Variants in PRDX2 observed in about 807,000 individuals in gnomAD.
PRDX2 encodes the protein peroxiredoxin-2.
A neutral mutation model predicts 19.8 loss-of-function variants in PRDX2; 10 were observed. The observed-to-expected ratio is 0.50, with a 90% CI of 0.31 to 0.86. The LOEUF is 0.86. Ranked by LOEUF, PRDX2 falls within the 40% of genes least tolerant of loss-of-function variation. PRDX2 has a pLI of 0.04. For synonymous variants in PRDX2, 118 were observed against 108.2 expected (o/e 1.09, Z -0.56); for missense variants, 226 against 260.1 (o/e 0.87, Z 0.90).
intron 3 of PRDX2, chr19:12,800,596 TG>T (rs1568384497): frequency 1.9e-6 from 2 of 1,071,856 alleles, no homozygotes; most frequent in Non-Finnish European, 2.6e-6. Context: ...AGCTGTGTCA[TG>T]GGGTACAGCC....
intron 3 of PRDX2, 74 bp from the exon 4 acceptor site, chr19:12,800,373 G>A: frequency 1.3e-6 from 2 of 1,549,244 alleles, no homozygotes; most frequent in Non-Finnish European, 1.8e-6. Context: ...TGGGCCCAAT[G>A]TGATAAGCAC....
chr19:12,800,193 CA>C lies in PRDX2; in HGVS notation c.363del (p.Asp121GlufsTer84), dbSNP rs1568384261. ...LSEDYGVLKTDEGIAYRGLFI... is the reference protein window; with the variant it reads ...LSEDYGVLKTXEGIAYRGLFI... ...CCACAGTACCTGTAGGCAATGCCCT[CA>C]TCTGTTTTCAGCACGCCGTAATCCT... is the stretch of plus-strand genomic sequence containing the variant. On this transcript the variant is annotated frameshift_variant, in exon 4 of 6. Transcript: ENST00000301522. LOFTEE classifies it high-confidence loss of function. 2 of 1,613,920 alleles carry C rather than the reference CA, an allele frequency of 1.2e-6. No homozygotes were observed. The highest frequency in any genetic ancestry group is 1.7e-6 in the Non-Finnish European group (2 of 1,179,986).
chr19:12,801,231 G>A lies in PRDX2; in HGVS notation c.31C>T (p.Pro11Ser). 6.2e-7 allele frequency: 1 copy of A among 1,613,878 alleles called. No individual in the cohort carries two copies. The highest frequency in any genetic ancestry group is 8.5e-7 in the Non-Finnish European group (1 of 1,179,964). Residue 11 changes from proline to serine, a missense_variant, in exon 2 of 6, where the codon CCA (proline) becomes TCA (serine). Transcript: ENST00000301522. ...GCTGTGGCCTTGAAGTCAGGGGCTGGCTTTCCGATGCGCGCGTTACCGGAG... is the reference window on the plus strand; with the variant it reads ...GCTGTGGCCTTGAAGTCAGGGGCTGACTTTCCGATGCGCGCGTTACCGGAG... MASGNARIGK[P>S]APDFKATAVV...
At chr19:12,801,618 C>T in intron 1 of PRDX2, 122 bp downstream of exon 1, 1 of 396,144 alleles carries the variant, frequency 2.5e-6, no homozygotes, top group Non-Finnish European at 4.7e-6. Context: ...CGGTTTCCCC[C>T]GCAAGGACAA....
chr19:12,801,258 C>T lies in PRDX2; in HGVS notation c.4G>A (p.Ala2Thr). Reference sequence around the variant, plus strand: ...TTTCCGATGCGCGCGTTACCGGAGGCCATGACTGAAAGCTGAGACCCCCGC... The same window carrying T: ...TTTCCGATGCGCGCGTTACCGGAGGTCATGACTGAAAGCTGAGACCCCCGC... MASGNARIGKPA... is the reference protein window; with the variant it reads MTSGNARIGKPA... Residue 2 changes from alanine to threonine, a missense_variant, in exon 2 of 6, where the codon GCC (alanine) becomes ACC (threonine). Physicochemically the swap from Ala to Thr is moderately conservative, Grantham distance 58 (BLOSUM62 0). Transcript: ENST00000301522. 1 of 1,612,262 alleles carries T rather than the reference C, an allele frequency of 6.2e-7. No individual in the cohort carries two copies. Among genetic ancestry groups the T allele is most frequent in the Non-Finnish European group, 8.5e-7 (1 of 1,179,290 alleles).
chr19:12,799,013 C>T (rs1417346928), intron 5 of PRDX2, among the ~76,000 whole-genome samples: 1 of 151,440 alleles, frequency 6.6e-6, no homozygotes, highest in Non-Finnish European at 1.5e-5. Flanking sequence ...AGTCTCCTGC[C>T]TCAGCCTCCC....
intron 1 of PRDX2, 53 bp from the exon 2 acceptor site, chr19:12,801,323 C>T: frequency 5.2e-6 from 8 of 1,543,974 alleles, no homozygotes; most frequent in South Asian, 1.2e-5. Flanking sequence ...TCCTCCCAAC[C>T]CAAGGTCGCG....
intron 5 of PRDX2, among the ~76,000 whole-genome samples, chr19:12,797,405 C>T (rs1403996205): frequency 6.6e-6 from 1 of 150,710 alleles, no homozygotes; most frequent in Non-Finnish European, 1.5e-5. Flanking sequence ...GCTCATGCAA[C>T]CTCTCCCTCC....
In PRDX2 at chr19:12,799,688, C is replaced by G. The variant is rs559396237; in HGVS notation, c.511+171G>C. 18 of 864,436 alleles carry G rather than the reference C, an allele frequency of 2.1e-5. No individual in the cohort carries two copies. The African/African-American group carries it at 2.6e-4, about 12-fold the overall frequency. 53.5% of individuals were successfully genotyped at this position (864,436 alleles called of 1,614,324 possible). On this transcript the variant is annotated intron_variant, in intron 5 of 5. Coordinates refer to ENST00000301522, the MANE Select transcript of PRDX2 (RefSeq NM_005809.6). ...TTGTCCACCTTGGTTGAATGTCAGG[C>G]GTTATTTGTCTCCTACCACATTAGA...
At chr19:12,797,817 C>G (rs1380413769) in intron 5 of PRDX2, among the ~76,000 whole-genome samples, 1 of 151,332 alleles carries the variant, frequency 6.6e-6, no homozygotes, top group Middle Eastern at 3.2e-3. Flanking sequence ...GCCACCACAC[C>G]CTGCTAATTT....
chr19:12,799,970 C>T lies in PRDX2; in HGVS notation c.400G>A (p.Gly134Ser), dbSNP rs757330105. Residue 134 changes from glycine to serine, a missense_variant, in exon 5 of 6, where the codon GGC becomes AGC. Gly to Ser is a moderately conservative substitution (Grantham distance 56). Coordinates refer to ENST00000301522, the MANE Select transcript of PRDX2 (RefSeq NM_005809.6). ...IAYRGLFIIDGKGVLRQITVN... is the reference protein window; with the variant it reads ...IAYRGLFIIDSKGVLRQITVN... ...GTGATCTGGCGAAGGACACCCTTGC[C>T]ATCGATGATAAAGAGGCCCCTGAAG... 6.2e-7 allele frequency: 1 copy of T among 1,613,958 alleles called. No individual in the cohort carries two copies. Among genetic ancestry groups the T allele is most frequent in the African/African-American group, 1.3e-5 (1 of 75,026 alleles).
chr19:12,800,795 C>T, intron 3 of PRDX2, 121 bp downstream of exon 3: 1 of 1,548,298 alleles, frequency 6.5e-7, no homozygotes, highest in East Asian at 2.4e-5. Flanking sequence ...GCAATGTTTC[C>T]ATTATTTTCA....
intron 5 of PRDX2, among the ~76,000 whole-genome samples, chr19:12,797,825 T>G (rs1181293569): frequency 1.3e-5 from 2 of 151,030 alleles, no homozygotes; most frequent in Non-Finnish European, 3.0e-5. Context: ...ACCCTGCTAA[T>G]TTTTTGGTAC....
intron 1 of PRDX2, 54 bp from the exon 2 acceptor site, chr19:12,801,324 C>T: frequency 1.3e-6 from 2 of 1,536,518 alleles, no homozygotes; most frequent in Non-Finnish European, 1.8e-6. Flanking sequence ...CCTCCCAACC[C>T]AAGGTCGCGC....
At chr19:12,801,616 C>G in intron 1 of PRDX2, 124 bp downstream of exon 1, 1 of 399,750 alleles carries the variant, frequency 2.5e-6, no homozygotes, top group Non-Finnish European at 4.6e-6. Flanking sequence ...CTCGGTTTCC[C>G]CCGCAAGGAC....
In PRDX2 at chr19:12,797,002, G is replaced by A. The variant is rs1804013; in HGVS notation, c.*79C>T. 6.9e-7 allele frequency: 1 copy of A among 1,444,976 alleles called. No individual in the cohort carries two copies. Among genetic ancestry groups the A allele is most frequent in the Non-Finnish European group, 9.6e-7 (1 of 1,036,802 alleles). 89.5% of individuals were successfully genotyped at this position (1,444,976 alleles called of 1,614,324 possible). Reference sequence around the variant, plus strand: ...TCTGGCCTTTCCTGGGTCAGCATAGGGCACCCAGGTGGGGGCACAGGTGGA... The same window carrying A: ...TCTGGCCTTTCCTGGGTCAGCATAGAGCACCCAGGTGGGGGCACAGGTGGA... On this transcript the variant is annotated 3_prime_UTR_variant, in exon 6 of 6. Coordinates refer to ENST00000301522, the MANE Select transcript of PRDX2 (RefSeq NM_005809.6).
In PRDX2 at chr19:12,801,779, G is replaced by A. The variant is rs1169320980; in HGVS notation, c.-49C>T. ...GCTAGACGCACGGACGATCACACGC[G>A]TGGACCCGCGTTCTCAGCGCCAAGT... On this transcript the variant is annotated 5_prime_UTR_variant, in exon 1 of 6. In the 5' UTR this introduces an upstream ATG that the reference lacks. Coordinates refer to ENST00000301522, the MANE Select transcript of PRDX2 (RefSeq NM_005809.6). 9.0e-6 allele frequency: 3 copies of A among 334,990 alleles called. No individual in the cohort carries two copies. Among genetic ancestry groups the A allele is most frequent in the Non-Finnish European group, 1.6e-5 (3 of 185,174 alleles). 20.8% of individuals were successfully genotyped at this position (334,990 alleles called of 1,614,324 possible).
At chr19:12,800,888 A>C in intron 3 of PRDX2, 28 bp downstream of exon 3, 1 of 1,586,672 alleles carries the variant, frequency 6.3e-7, no homozygotes, top group Non-Finnish European at 8.6e-7. Context: ...GCTTAGCTGC[A>C]ACCTCCCTCT....
intron 3 of PRDX2, 92 bp downstream of exon 3, chr19:12,800,824 T>C: frequency 6.4e-7 from 1 of 1,552,050 alleles, no homozygotes; most frequent in Non-Finnish European, 8.7e-7. Flanking sequence ...AAACGCAGGT[T>C]CCAGAGGTTG....
Sources: allele counts gnomAD v4.1 joint callset (sites outside exome capture counted in the v4.1 genomes callset), GRCh38; gene constraint gnomAD v4.1.1; transcripts MANE v1.5; gene names NCBI Gene and HGNC (gene_info 2026-07-23, HGNC 2026-07-21).